DLGAP2: variants seen among roughly 807,000 people sequenced by gnomAD.
DLGAP2 encodes DLG associated protein 2.
DLGAP2 carries 26 observed loss-of-function variants against 100.3 expected under a neutral mutation model. The observed-to-expected ratio is 0.26, with a 90% confidence interval of 0.19 to 0.36. The LOEUF is 0.36. Among genes scored for constraint, DLGAP2 ranks in the 10% least tolerant of loss-of-function variants. The pLI is 1.00. For synonymous variants in DLGAP2, 886 were observed against 630.1 expected, an observed-to-expected ratio of 1.41 and a Z score of -6.08; for missense variants, 1,858 against 1,453.2, an observed-to-expected ratio of 1.28 and a Z score of -4.53.
chr8:1,625,034 C>G (rs1242664550), intron 6 of DLGAP2, among the ~76,000 whole-genome samples: 1 of 152,100 alleles, frequency 6.6e-6, no homozygotes, highest in Non-Finnish European at 1.5e-5. Context: ...TTCATTGAGT[C>G]CAGTTTTTTT....
intron 2 of DLGAP2, among the ~76,000 whole-genome samples, chr8:1,045,397 C>T (rs1484870577): frequency 1.3e-5 from 2 of 152,294 alleles, no homozygotes; most frequent in South Asian, 2.1e-4. Flanking sequence ...TTGTATATGT[C>T]TATGGTATAC....
chr8:1,230,643 C>G (rs905014883), intron 2 of DLGAP2, among the ~76,000 whole-genome samples: 2 of 152,056 alleles, frequency 1.3e-5, no homozygotes, highest in Admixed American at 6.5e-5. Flanking sequence ...TAGCATGGCA[C>G]TGGTACAAAA....
At position 835,762 on chromosome 8, in the gene DLGAP2, T is replaced by C. The variant is rs375748312; in HGVS notation, c.19-72150T>C. On this transcript the variant is annotated intron_variant, in intron 1 of 14. Transcript: ENST00000637795. ...AGTTATTAAAGAGTATTTATGGCTGTTAATTTACAGTTAATTCAGGCTTTC... is the reference window on the plus strand; with the variant it reads ...AGTTATTAAAGAGTATTTATGGCTGCTAATTTACAGTTAATTCAGGCTTTC... Among the ~76,000 whole-genome samples the C allele has an allele frequency of 1.8e-4, 27 of 152,330 alleles. No individual in the cohort carries two copies. In the Middle Eastern group the frequency reaches 0.014, roughly 77 times the overall value.
intron 1 of DLGAP2, among the ~76,000 whole-genome samples, chr8:882,375 G>A (rs1382663889): frequency 2.7e-5 from 4 of 148,768 alleles, no homozygotes; most frequent in Admixed American, 6.7e-5. Context: ...GCGCACCCTC[G>A]CCTGATCCAG....
chr8:881,390 G>A (rs2128993390), intron 1 of DLGAP2, among the ~76,000 whole-genome samples: 2 of 151,582 alleles, frequency 1.3e-5, no homozygotes, highest in Non-Finnish European at 2.9e-5. Flanking sequence ...TTCTCAGATT[G>A]TTCTGTTTTG....
chr8:1,242,269 G>A (rs759130966), intron 2 of DLGAP2, among the ~76,000 whole-genome samples: 3 of 152,156 alleles, frequency 2.0e-5, no homozygotes, highest in Non-Finnish European at 4.4e-5. Context: ...GGGGGAAAGG[G>A]GTTGGTTGTC....
intron 5 of DLGAP2, among the ~76,000 whole-genome samples, chr8:1,554,322 AAAT>A (rs1801883118): frequency 6.6e-6 from 1 of 152,120 alleles, no homozygotes; most frequent in Non-Finnish European, 1.5e-5. Context: ...ATAAATAAAT[AAAT>A]AAAATGGTTT....
chr8:1,225,254 A>C (rs1297227648), intron 2 of DLGAP2, among the ~76,000 whole-genome samples: 1 of 152,224 alleles, frequency 6.6e-6, no homozygotes, highest in Non-Finnish European at 1.5e-5. Flanking sequence ...TATGAACACG[A>C]GTGAGGGATT....
chr8:1,417,362 T>C (rs1017808986), intron 3 of DLGAP2, among the ~76,000 whole-genome samples: 2 of 152,052 alleles, frequency 1.3e-5, no homozygotes, highest in African/African-American at 4.8e-5. Context: ...CCCTTGAAGC[T>C]AGCAGCACTG....
intron 2 of DLGAP2, among the ~76,000 whole-genome samples, chr8:1,080,181 A>G (rs1463361596): frequency 3.3e-5 from 5 of 152,260 alleles, no homozygotes; most frequent in East Asian, 1.9e-4. Flanking sequence ...CATTAGAACT[A>G]CTTGCATTTT....
intron 1 of DLGAP2, among the ~76,000 whole-genome samples, chr8:801,087 C>G (rs533244880): frequency 6.6e-6 from 1 of 152,340 alleles, no homozygotes; most frequent in African/African-American, 2.4e-5. Flanking sequence ...TCTCACCACG[C>G]TGCGTGTTCA....
intron 3 of DLGAP2, among the ~76,000 whole-genome samples, chr8:1,327,859 T>A (rs572800253): frequency 1.4e-4 from 21 of 152,066 alleles, no homozygotes; most frequent in African/African-American, 5.1e-4. Flanking sequence ...AATAAATAAA[T>A]AAAATGACGT....
At chr8:1,329,061 C>G (rs1441614875) in intron 3 of DLGAP2, among the ~76,000 whole-genome samples, 1 of 152,114 alleles carries the variant, frequency 6.6e-6, no homozygotes, top group Non-Finnish European at 1.5e-5. Context: ...CTTGGCTAAA[C>G]TGCGACAGGC....
intron 2 of DLGAP2, among the ~76,000 whole-genome samples, chr8:1,184,873 G>C (rs1274988466): frequency 6.6e-6 from 1 of 152,174 alleles, no homozygotes; most frequent in Admixed American, 6.5e-5. Flanking sequence ...AGGATCTCCA[G>C]GTTGGAGGGA....
Position 1,240,240 on chromosome 8 carries a change from G to A in DLGAP2, c.74-18611G>A, listed in dbSNP as rs533349080. The stretch of plus-strand genomic sequence containing the variant: ...ACTGTGTCTAGTTCTCTCACATGGC[G>A]CCGTGTCTAGTTCTCTTACATGGCG... On this transcript the variant is annotated intron_variant, in intron 2 of 14. Transcript: ENST00000637795. Among the ~76,000 whole-genome samples the A allele has an allele frequency of 2.5e-3, 201 of 82,030 alleles. 3 individuals are homozygous for A. The highest frequency in any genetic ancestry group is 2.4e-3 in the Non-Finnish European group (81 of 33,244). 53.8% of individuals were successfully genotyped at this position (82,030 alleles called of 152,430 possible). A position where few individuals can be genotyped will look rare whatever the true frequency, so the allele number is the denominator to read the frequency against.
At chr8:1,412,319 C>A (rs960529277) in intron 3 of DLGAP2, among the ~76,000 whole-genome samples, 3 of 152,210 alleles carry the variant, frequency 2.0e-5, no homozygotes, top group African/African-American at 4.8e-5. Flanking sequence ...AGGCTCCATT[C>A]TCTCCCTCAG....
intron 3 of DLGAP2, among the ~76,000 whole-genome samples, chr8:1,368,438 A>T (rs1298526713): frequency 1.3e-5 from 2 of 152,128 alleles, no homozygotes; most frequent in Non-Finnish European, 2.9e-5. Flanking sequence ...TTGTGTGGCC[A>T]CACGGGGAGC....
chr8:937,759 T>C (rs1799104761), intron 2 of DLGAP2, among the ~76,000 whole-genome samples: 1 of 152,214 alleles, frequency 6.6e-6, no homozygotes, highest in African/African-American at 2.4e-5. Context: ...TGTCTGCGTC[T>C]GTGCCCTGTG....
At chr8:1,239,534 C>G (rs1246850767) in intron 2 of DLGAP2, among the ~76,000 whole-genome samples, 8 of 113,104 alleles carry the variant, frequency 7.1e-5, no homozygotes, top group East Asian at 2.4e-4. Context: ...GGTGCCGTGT[C>G]TAGTTCTCTC....
Sources: gnomAD v4.1 joint callset for allele counts (sites outside exome capture counted in the v4.1 genomes callset) on GRCh38, gnomAD v4.1.1 for gene constraint, MANE v1.5 for transcripts, NCBI Gene and HGNC (gene_info 2026-07-23, HGNC 2026-07-21) for gene names.